The following TTBK2 variants were observed in gnomAD, a reference collection of about 807,000 sequenced individuals.
TTBK2 encodes tau-tubulin kinase 2.
TTBK2 carries 28 observed loss-of-function variants against 110.8 expected under a neutral mutation model. The ratio of observed to expected loss-of-function variants is 0.25; its 90% confidence interval spans 0.19 to 0.35. The LOEUF (loss-of-function observed/expected upper bound fraction) is 0.35. Ranked by LOEUF, TTBK2 falls within the 10% of genes least tolerant of loss-of-function variation. The pLI, the probability that TTBK2 is intolerant of heterozygous loss-of-function variation, is 1.00. For synonymous variants in TTBK2, 532 were observed against 527.3 expected, an observed-to-expected ratio of 1.01 and a Z score of -0.12; for missense variants, 1,369 against 1,500.3, an observed-to-expected ratio of 0.91 and a Z score of 1.45.
chr15:42,801,031 C>T (rs1431034739), intron 9 of TTBK2: 1 of 765,946 alleles, frequency 1.3e-6, no homozygotes, highest in Admixed American at 1.7e-5. Context: ...TTCTTCATGA[C>T]CACGGCCCTG....
chr15:42,870,810 G>A (rs989712626), intron 3 of TTBK2, among the ~76,000 whole-genome samples: 49 of 149,026 alleles, frequency 3.3e-4, no homozygotes, highest in Admixed American at 3.0e-3. Context: ...GCAGTGAGCC[G>A]AGATCATGCC....
chr15:42,912,889 G>T (rs943820499), intron 1 of TTBK2, among the ~76,000 whole-genome samples: 6 of 151,842 alleles, frequency 4.0e-5, no homozygotes, highest in African/African-American at 1.5e-4. Context: ...ACTTTGGGAG[G>T]CCGAGGCAGG....
intron 1 of TTBK2, among the ~76,000 whole-genome samples, chr15:42,910,594 G>T (rs1310733302): frequency 6.6e-6 from 1 of 152,054 alleles, no homozygotes; most frequent in East Asian, 1.9e-4. Flanking sequence ...ACAGGGAAGA[G>T]AAAAAAGAAG....
intron 9 of TTBK2, chr15:42,801,333 T>C: frequency 6.3e-7 from 1 of 1,588,914 alleles, no homozygotes; most frequent in Non-Finnish European, 8.6e-7. Context: ...ACTGGCTAGC[T>C]GCAGGGCGGC....
At chr15:42,891,125 C>T (rs1029499753) in intron 1 of TTBK2, among the ~76,000 whole-genome samples, 8 of 150,902 alleles carry the variant, frequency 5.3e-5, no homozygotes, top group East Asian at 1.9e-4. Flanking sequence ...CCACCCACCT[C>T]GGCCTCCCAA....
intron 3 of TTBK2, among the ~76,000 whole-genome samples, chr15:42,868,307 G>A (rs12904179): frequency 0.46 from 69,340 of 151,936 alleles, 20,323 homozygotes; most frequent in African/African-American, 0.84. Context: ...ATTCGTCCAG[G>A]CCCACAGAAT....
At chr15:42,754,085 CTTTTTTT>C (rs68057465) in intron 13 of TTBK2, among the ~76,000 whole-genome samples, 1 of 132,230 alleles carries the variant, frequency 7.6e-6, no homozygotes, top group East Asian at 2.1e-4. Context: ...CTAATGTTTT[CTTTTTTT>C]TTTTTTTTTT....
rs141551647 is a variant in TTBK2, at chr15:42,801,171, G to T, written c.823-6370C>A. 1,036 of 1,244,494 alleles carry T rather than the reference G, an allele frequency of 8.3e-4. 17 individuals are homozygous for T. The African/African-American group carries it at 0.013, about 16-fold the overall frequency. The allele number at this position is 1,244,494 out of a possible 1,614,324, so 77.1% of individuals were successfully genotyped here. ...CTGACCACCTGCATAGCTGCTGGTGGTCTTCATATGGATACTCATGTTCTG... is the reference window on the plus strand; with the variant it reads ...CTGACCACCTGCATAGCTGCTGGTGTTCTTCATATGGATACTCATGTTCTG... On this transcript the variant is annotated intron_variant, in intron 9 of 14. Transcript: ENST00000267890.
chr15:42,743,218 T>C lies in TTBK2; in HGVS notation c.*2577A>G, dbSNP rs1441316556. 1.7e-4 allele frequency: 26 copies of C among 152,236 alleles called. No homozygotes were observed. The highest frequency in any genetic ancestry group is 1.7e-3 in the Admixed American group (26 of 15,284). 9.4% of individuals were successfully genotyped at this position (152,236 alleles called of 1,614,324 possible). On this transcript the variant is annotated 3_prime_UTR_variant, in exon 15 of 15. Coordinates refer to ENST00000267890, the MANE Select transcript of TTBK2 (RefSeq NM_173500.4). ...TCTTAAACGATGGACTGTTTATCTC[T>C]GGATCTTGATGAGTTTGTCAATGCC...
chr15:42,825,595 G>A (rs528660241), intron 6 of TTBK2, among the ~76,000 whole-genome samples: 4 of 152,226 alleles, frequency 2.6e-5, no homozygotes, highest in African/African-American at 9.6e-5. Context: ...GGCGCCTGTA[G>A]TCCCAGCTAC....
intron 1 of TTBK2, among the ~76,000 whole-genome samples, chr15:42,879,372 G>A (rs1031747743): frequency 6.6e-6 from 1 of 152,146 alleles, no homozygotes; most frequent in Non-Finnish European, 1.5e-5. Flanking sequence ...AGAAAAAGGA[G>A]ATAAATGTTG....
At chr15:42,882,061 G>A (rs1230195492) in intron 1 of TTBK2, among the ~76,000 whole-genome samples, 1 of 151,864 alleles carries the variant, frequency 6.6e-6, no homozygotes, top group Non-Finnish European at 1.5e-5. Flanking sequence ...AGGGACTAGT[G>A]GGACAATACC....
At chr15:42,797,487 C>G (rs1890995616) in intron 9 of TTBK2, among the ~76,000 whole-genome samples, 1 of 152,142 alleles carries the variant, frequency 6.6e-6, no homozygotes, top group African/African-American at 2.4e-5. Flanking sequence ...TAAAGGCACC[C>G]TAGTGGGAAC....
At chr15:42,810,889 TTAATGTA>T in intron 8 of TTBK2, 150 bp from the exon 9 acceptor site, 1 of 879,012 alleles carries the variant, frequency 1.1e-6, no homozygotes, top group Non-Finnish European at 1.8e-6. Context: ...TACTAACAGC[TTAATGTA>T]CAGTGTTTTA....
At chr15:42,796,198 G>T (rs1337063543) in intron 9 of TTBK2, among the ~76,000 whole-genome samples, 1 of 152,032 alleles carries the variant, frequency 6.6e-6, no homozygotes, top group Non-Finnish European at 1.5e-5. Context: ...GAGATCAGGG[G>T]TTCAAGACCA....
At chr15:42,913,309 T>C (rs2030892547) in intron 1 of TTBK2, among the ~76,000 whole-genome samples, 1 of 152,084 alleles carries the variant, frequency 6.6e-6, no homozygotes, top group Non-Finnish European at 1.5e-5. Flanking sequence ...TTGGGCAACC[T>C]GAAATCTCTC....
chr15:42,906,706 G>C (rs567115552), intron 1 of TTBK2, among the ~76,000 whole-genome samples: 1 of 152,048 alleles, frequency 6.6e-6, no homozygotes, highest in African/African-American at 2.4e-5. Context: ...AAAAGCTTCC[G>C]CACAGCAAAG....
chr15:42,828,405 G>A lies in TTBK2; in HGVS notation c.433-373C>T, dbSNP rs928858806. On this transcript the variant is annotated intron_variant, in intron 5 of 14. Transcript: ENST00000267890. Reference sequence around the variant, plus strand: ...ATGGACCAAAAAAAAAAAAAACCCCGTAGAAATTTAAAAGAATTTCCTATA... The same window carrying A: ...ATGGACCAAAAAAAAAAAAAACCCCATAGAAATTTAAAAGAATTTCCTATA... Among the ~76,000 whole-genome samples, 11 of 149,828 alleles carry A rather than the reference G, an allele frequency of 7.3e-5. No individual in the cohort carries two copies. In the South Asian group the frequency reaches 1.1e-3, roughly 14 times the overall value.
chr15:42,851,061 T>TAAAAATAA (rs1227993461), intron 3 of TTBK2, among the ~76,000 whole-genome samples: 19 of 150,930 alleles, frequency 1.3e-4, no homozygotes, highest in South Asian at 2.1e-4. Flanking sequence ...CCGTCTCTAC[T>TAAAAATAA]AAAAATAAAA....
Sources: gnomAD v4.1 joint callset for allele counts (sites outside exome capture counted in the v4.1 genomes callset) on GRCh38, gnomAD v4.1.1 for gene constraint, MANE v1.5 for transcripts, NCBI Gene and HGNC (gene_info 2026-07-23, HGNC 2026-07-21) for gene names.